Variants in EIF2S3B observed in about 807,000 individuals in gnomAD.
The protein encoded by EIF2S3B is eukaryotic translation initiation factor 2 subunit gamma B, also known as eukaryotic translation initiation factor 2 subunit 3B.
EIF2S3B carries 16 observed loss-of-function variants against 26.4 expected under a neutral mutation model. That is an observed-to-expected ratio of 0.61 (90% CI 0.41 to 0.92). The LOEUF is 0.92. Among genes scored for constraint, EIF2S3B ranks in the 40% least tolerant of loss-of-function variants. The pLI is 0.00. For missense variants in EIF2S3B, 510 were observed against 575.5 expected (o/e 0.89, Z 1.16); for synonymous variants, 183 against 204.4 (o/e 0.90, Z 0.89).
rs190074599 is a variant in EIF2S3B, at chr12:10,518,914, G to A, written c.1309-3689G>A. 6.8e-3 allele frequency among the ~76,000 whole-genome samples: 1,035 copies of A among 152,202 alleles called. 10 individuals are homozygous for A. Among genetic ancestry groups the A allele is most frequent in the African/African-American group, 0.024 (976 of 41,510 alleles). On this transcript the variant is annotated intron_variant, in intron 1 of 1. Transcript: ENST00000322446. ...GCTCATGGGTAGGAAGAATCATATC[G>A]TAAAAATGGCCATACTGCCCAAGGT...
intron 1 of EIF2S3B, among the ~76,000 whole-genome samples, chr12:10,515,972 G>C (rs1864751482): frequency 6.6e-6 from 1 of 150,598 alleles, no homozygotes; most frequent in African/African-American, 2.4e-5. Context: ...TAAAATAGGT[G>C]TTAGTATATA....
chr12:10,511,907 A>T (rs1292128056), downstream of EIF2S3B, among the ~76,000 whole-genome samples: 1 of 152,204 alleles, frequency 6.6e-6, no homozygotes, highest in Non-Finnish European at 1.5e-5. Flanking sequence ...TTCATCAGAG[A>T]TTTCCTACAC....
At chr12:10,522,533 CTAAATA>C (rs990472119) in intron 1 of EIF2S3B, 9 of 596,952 alleles carry the variant, frequency 1.5e-5, no homozygotes, top group African/African-American at 3.7e-5. Context: ...TTCCTTATAC[CTAAATA>C]GATTTGAGTT....
At chr12:10,514,574 C>A (rs1864736334) in intron 1 of EIF2S3B, among the ~76,000 whole-genome samples, 1 of 152,106 alleles carries the variant, frequency 6.6e-6, no homozygotes, top group Admixed American at 6.6e-5. Flanking sequence ...AGTGATATAC[C>A]ACAAAGCACC....
Position 10,506,716 on chromosome 12 carries a change from G to A in EIF2S3B, c.814G>A (p.Asp272Asn), listed in dbSNP as rs779351949. 2 of 1,614,078 alleles carry A rather than the reference G, an allele frequency of 1.2e-6. No individual in the cohort carries two copies. Among genetic ancestry groups the A allele is most frequent in the South Asian group, 2.2e-5 (2 of 91,080 alleles). ...FDVNKPGCEV[D>N]DLKGGVAGGS... ...TGTCAACAAACCTGGCTGTGAAGTT[G>A]ATGACCTTAAGGGAGGTGTAGCTGG... The change falls in exon 1 of 1, where the codon GAT (aspartate) becomes AAT (asparagine). Residue 272 changes from aspartate to asparagine, a missense_variant. Coordinates refer to ENST00000538173, the MANE Select transcript of EIF2S3B (RefSeq NM_001357734.3).
At chr12:10,514,866 C>T (rs1199319485) in intron 1 of EIF2S3B, among the ~76,000 whole-genome samples, 4 of 152,018 alleles carry the variant, frequency 2.6e-5, no homozygotes, top group Non-Finnish European at 4.4e-5. Context: ...CCTTTACATC[C>T]CCCCACCCAC....
In EIF2S3B at chr12:10,507,073, A is replaced by G; in HGVS notation, c.1171A>G (p.Lys391Glu). The part of the protein sequence containing the change: ...LLGVRTEGDK[K>E]AAKVQKLSKN... ...AGGTGTACGCACTGAAGGAGACAAGAAAGCAGCAAAGGTTCAAAAGCTGTC... is the reference window on the plus strand; with the variant it reads ...AGGTGTACGCACTGAAGGAGACAAGGAAGCAGCAAAGGTTCAAAAGCTGTC... The change falls in exon 1 of 1, where the codon AAA (lysine) becomes GAA (glutamate). Residue 391 changes from lysine to glutamate, a missense_variant. Physicochemically the swap from Lys to Glu is moderately conservative, Grantham distance 56. Coordinates refer to ENST00000538173, the MANE Select transcript of EIF2S3B (RefSeq NM_001357734.3). 8 of 1,613,824 alleles carry G rather than the reference A, an allele frequency of 5.0e-6. No homozygotes were observed. Among genetic ancestry groups the G allele is most frequent in the Middle Eastern group, 1.6e-4 (1 of 6,062 alleles).
chr12:10,521,491 A>G (rs76513351), intron 1 of EIF2S3B, among the ~76,000 whole-genome samples: 4,695 of 152,174 alleles, frequency 0.031, 216 homozygotes, highest in African/African-American at 0.1. Context: ...TCAAATCCAT[A>G]TATGTGTATA....
chr12:10,520,628 A>G (rs1338314278), intron 1 of EIF2S3B, among the ~76,000 whole-genome samples: 23 of 152,198 alleles, frequency 1.5e-4, no homozygotes, highest in Admixed American at 1.5e-3. Flanking sequence ...GAAAATAAAC[A>G]AAAAACAGTT....
intron 1 of EIF2S3B, among the ~76,000 whole-genome samples, chr12:10,516,314 C>A (rs1190774823): frequency 6.6e-6 from 1 of 151,990 alleles, no homozygotes; most frequent in Non-Finnish European, 1.5e-5. Context: ...GATACTCATG[C>A]ATATATCGTA....
intron 1 of EIF2S3B, among the ~76,000 whole-genome samples, chr12:10,518,833 C>T (rs1440649842): frequency 6.6e-6 from 1 of 151,924 alleles, no homozygotes; most frequent in Non-Finnish European, 1.5e-5. Context: ...AGGAGAACTA[C>T]AAACCACTGC....
At chr12:10,513,318 C>A (rs1864723052), downstream of EIF2S3B, among the ~76,000 whole-genome samples, 1 of 152,136 alleles carries the variant, frequency 6.6e-6, no homozygotes, top group Non-Finnish European at 1.5e-5. Flanking sequence ...ATTATCCTAC[C>A]CCTCCTCTGC....
At chr12:10,518,075 A>G (rs1482005116) in intron 1 of EIF2S3B, among the ~76,000 whole-genome samples, 5 of 151,980 alleles carry the variant, frequency 3.3e-5, no homozygotes, top group African/African-American at 1.2e-4. Context: ...TGCTGAAAAA[A>G]ATGTATATTC....
intron 1 of EIF2S3B, among the ~76,000 whole-genome samples, chr12:10,517,412 G>A (rs906454943): frequency 8.7e-4 from 133 of 152,202 alleles, no homozygotes; most frequent in Non-Finnish European, 1.6e-3. Context: ...GGTGTTTGTA[G>A]TATTCTCTGA....
chr12:10,519,159 C>T (rs930781540), intron 1 of EIF2S3B, among the ~76,000 whole-genome samples: 4 of 151,760 alleles, frequency 2.6e-5, no homozygotes, highest in Non-Finnish European at 4.4e-5. Flanking sequence ...ACCAAAACAG[C>T]GATATAGATC....
In EIF2S3B at chr12:10,506,180, A is replaced by T; in HGVS notation, c.278A>T (p.Asp93Val). Residue 93 changes from aspartate to valine, a missense_variant, in exon 1 of 1, where the codon GAC (aspartate) becomes GTC (valine). By Grantham distance (152) the Asp-to-Val change is radical. Coordinates refer to ENST00000538173, the MANE Select transcript of EIF2S3B (RefSeq NM_001357734.3). ...AATGCTAAGATTTATCAACTTGATG[A>T]CCCAAGTTGCCCTCGGCCAGAATGT... ...YANAKIYQLD[D>V]PSCPRPECYR... 6.4e-7 allele frequency: 1 copy of T among 1,564,038 alleles called. No homozygotes were observed. The highest frequency in any genetic ancestry group is 8.8e-7 in the Non-Finnish European group (1 of 1,134,388).
Position 10,506,048 on chromosome 12 carries a change from A to G in EIF2S3B, c.146A>G (p.His49Arg), listed in dbSNP as rs777466051. Residue 49 changes from histidine (H) to arginine (R), a missense_variant, in exon 1 of 1, where the codon CAT becomes CGT. Coordinates refer to ENST00000538173, the MANE Select transcript of EIF2S3B (RefSeq NM_001357734.3). ...QATINIGTIG[H>R]VAHGKSTVVK... ...ACAATTAATATAGGTACAATTGGTCATGTAGCTCATGGGAAATCCACAGTC... is the reference window on the plus strand; with the variant it reads ...ACAATTAATATAGGTACAATTGGTCGTGTAGCTCATGGGAAATCCACAGTC... The G allele has an allele frequency of 3.3e-5, 53 of 1,603,070 alleles. No homozygotes were observed. Among genetic ancestry groups the G allele is most frequent in the Non-Finnish European group, 4.4e-5 (52 of 1,169,978 alleles).
At chr12:10,518,561 C>G (rs1864792402) in intron 1 of EIF2S3B, among the ~76,000 whole-genome samples, 2 of 152,050 alleles carry the variant, frequency 1.3e-5, no homozygotes, top group Non-Finnish European at 2.9e-5. Flanking sequence ...TCCAATTTGC[C>G]AGTCTGTGTC....
At chr12:10,510,437 T>G (rs927269802), downstream of EIF2S3B, among the ~76,000 whole-genome samples, 1 of 152,326 alleles carries the variant, frequency 6.6e-6, no homozygotes, top group South Asian at 2.1e-4. Flanking sequence ...AACCCAGATC[T>G]TGGCATGACT....
Sources: allele counts gnomAD v4.1 joint callset (sites outside exome capture counted in the v4.1 genomes callset), GRCh38; gene constraint gnomAD v4.1.1; transcripts MANE v1.5; gene names NCBI Gene and HGNC (gene_info 2026-07-23, HGNC 2026-07-21).